The following CD2AP variants were observed in gnomAD, a reference collection of about 807,000 sequenced individuals.
CD2AP encodes CD2 associated protein.
A neutral mutation model predicts 85.1 loss-of-function variants in CD2AP; 46 were observed. That is an observed-to-expected ratio of 0.54 (90% CI 0.43 to 0.69). The LOEUF (loss-of-function observed/expected upper bound fraction) is 0.69, where lower values mean the gene tolerates loss of function less well. Ranked by LOEUF, CD2AP falls within the 30% of genes least tolerant of loss-of-function variation. The pLI, the probability that CD2AP is intolerant of heterozygous loss-of-function variation, is 0.00. For missense variants in CD2AP, 769 were observed against 729.5 expected (o/e 1.05, Z -0.62); for synonymous variants, 255 against 252.9 (o/e 1.01, Z -0.08).
chr6:47,568,828 C>G (rs924542994), intron 5 of CD2AP, among the ~76,000 whole-genome samples: 1 of 151,888 alleles, frequency 6.6e-6, no homozygotes, highest in African/African-American at 2.4e-5. Flanking sequence ...AACTAAAGAC[C>G]CTGGGATGGA....
chr6:47,593,123 G>A (rs545734791), intron 11 of CD2AP, among the ~76,000 whole-genome samples: 41 of 152,222 alleles, frequency 2.7e-4, no homozygotes, highest in African/African-American at 9.9e-4. Flanking sequence ...CCAGATAATT[G>A]GTTGTTGTGG....
At chr6:47,596,474 G>A (rs1768951688) in intron 12 of CD2AP, among the ~76,000 whole-genome samples, 1 of 152,044 alleles carries the variant, frequency 6.6e-6, no homozygotes, top group Non-Finnish European at 1.5e-5. Flanking sequence ...ATTTCTATGG[G>A]ATCAACTTTT....
intron 5 of CD2AP, among the ~76,000 whole-genome samples, chr6:47,566,624 C>T (rs1768011038): frequency 6.6e-6 from 1 of 152,070 alleles, no homozygotes; most frequent in Admixed American, 6.6e-5. Context: ...CCCCGCTCCT[C>T]ACCCCTCAAC....
chr6:47,533,906 A>G (rs1766959292), intron 3 of CD2AP, 151 bp downstream of exon 3: 1 of 700,238 alleles, frequency 1.4e-6, no homozygotes. Context: ...TGCCCTGTGT[A>G]GTCAATCTTA....
intron 15 of CD2AP, 52 bp downstream of exon 15, chr6:47,608,080 A>G: frequency 8.3e-7 from 1 of 1,201,540 alleles, no homozygotes. Context: ...TTCTTTGTGG[A>G]CATCAAACAT....
intron 2 of CD2AP, among the ~76,000 whole-genome samples, chr6:47,520,741 T>G (rs1240817835): frequency 2.7e-5 from 4 of 148,958 alleles, no homozygotes; most frequent in Non-Finnish European, 6.0e-5. Flanking sequence ...TTTTTTTTTT[T>G]TTTTTTTTTT....
chr6:47,478,509 A>AG (rs1765364090), intron 1 of CD2AP, among the ~76,000 whole-genome samples: 3 of 135,818 alleles, frequency 2.2e-5, no homozygotes, highest in African/African-American at 2.6e-5. Flanking sequence ...AAGGTGCGGG[A>AG]TGGGGGGCGG....
rs577283200 is a variant in CD2AP at position 47,562,157 on chromosome 6, C to CT, written c.541+7396dup. 3.8e-4 allele frequency among the ~76,000 whole-genome samples: 58 copies of CT among 152,260 alleles called. No individual in the cohort carries two copies. In the South Asian group the frequency reaches 0.011, roughly 30 times the overall value. ...ACAATTGTGTTGCCTTGTTCGTTTGCTTTTTAGTATAAAAGCCATCTAATA... is the reference window on the plus strand; with the variant it reads ...ACAATTGTGTTGCCTTGTTCGTTTGCTTTTTTAGTATAAAAGCCATCTAATA... On this transcript the variant is annotated intron_variant, in intron 5 of 17. Transcript: ENST00000359314.
chr6:47,551,884 C>G (rs780373548), intron 4 of CD2AP, among the ~76,000 whole-genome samples: 8 of 152,208 alleles, frequency 5.3e-5, no homozygotes, highest in Non-Finnish European at 1.2e-4. Context: ...GTGTAGGCAT[C>G]TCAAGGTCGT....
chr6:47,610,458 A>G (rs1488985511), intron 16 of CD2AP, among the ~76,000 whole-genome samples: 1 of 152,166 alleles, frequency 6.6e-6, no homozygotes, highest in African/African-American at 2.4e-5. Flanking sequence ...AATAAAACAT[A>G]AATGTTATGG....
intron 8 of CD2AP, among the ~76,000 whole-genome samples, chr6:47,578,783 A>T (rs1768380125): frequency 6.6e-6 from 1 of 151,378 alleles, no homozygotes; most frequent in South Asian, 2.1e-4. Flanking sequence ...CAGCCTCCTG[A>T]GTAGCTGGGA....
intron 2 of CD2AP, among the ~76,000 whole-genome samples, chr6:47,509,129 C>T (rs1248428506): frequency 1.3e-5 from 2 of 152,164 alleles, no homozygotes; most frequent in African/African-American, 4.8e-5. Context: ...CATTGTGTCT[C>T]AGGGAATAGG....
At chr6:47,538,550 A>G (rs998872393) in intron 3 of CD2AP, among the ~76,000 whole-genome samples, 7 of 152,202 alleles carry the variant, frequency 4.6e-5, no homozygotes, top group Non-Finnish European at 1.0e-4. Context: ...CTGGTGGAGA[A>G]AGAACTTTAT....
intron 2 of CD2AP, among the ~76,000 whole-genome samples, chr6:47,507,813 A>G (rs1454546915): frequency 6.6e-6 from 1 of 152,198 alleles, no homozygotes; most frequent in Non-Finnish European, 1.5e-5. Context: ...TGCAAAATGG[A>G]TATTATGTTA....
At chr6:47,537,626 A>G (rs183294840) in intron 3 of CD2AP, among the ~76,000 whole-genome samples, 46 of 152,212 alleles carry the variant, frequency 3.0e-4, no homozygotes, top group Admixed American at 2.6e-3. Context: ...GACATAATAC[A>G]TTACCTCTGA....
In CD2AP at chr6:47,503,323, T is replaced by A; in HGVS notation, c.48T>A (p.Asp16Glu). The A allele has an allele frequency of 1.2e-6, 2 of 1,613,854 alleles. No homozygotes were observed. The highest frequency in any genetic ancestry group is 1.7e-6 in the Non-Finnish European group (2 of 1,179,864). Residue 16 changes from aspartate (D) to glutamate (E), a missense_variant, in exon 2 of 18, where the codon GAT (aspartate) becomes GAA (glutamate). Coordinates refer to ENST00000359314, the MANE Select transcript of CD2AP (RefSeq NM_012120.3). Reference sequence around the variant, plus strand: ...ATGACTATGATGCTGTACATGATGATGAATTAACTATTCGAGTTGGAGAAA... The same window carrying A: ...ATGACTATGATGCTGTACATGATGAAGAATTAACTATTCGAGTTGGAGAAA... ...VEYDYDAVHD[D>E]ELTIRVGEII...
rs1767630062 is a variant in CD2AP, at chr6:47,554,683, A to C, written c.458A>C (p.Lys153Thr). Reference protein sequence around the residue: ...EGWWSGTLNNKLGLFPSNFVK... With the variant: ...EGWWSGTLNNTLGLFPSNFVK... ...TGGTGGAGTGGAACCCTGAATAACA[A>C]GTTGGGACTGTTTCCCTCAAATTTT... Residue 153 changes from lysine to threonine, a missense_variant, in exon 5 of 18, where the codon AAG (lysine) becomes ACG (threonine). Physicochemically the swap from Lys to Thr is moderately conservative, Grantham distance 78. Coordinates refer to ENST00000359314, the MANE Select transcript of CD2AP (RefSeq NM_012120.3). 1 of 1,613,748 alleles carries C rather than the reference A, an allele frequency of 6.2e-7. No individual in the cohort carries two copies. Among genetic ancestry groups the C allele is most frequent in the Non-Finnish European group, 8.5e-7 (1 of 1,179,752 alleles).
intron 2 of CD2AP, among the ~76,000 whole-genome samples, chr6:47,515,335 A>G (rs1318844870): frequency 6.6e-6 from 1 of 152,180 alleles, no homozygotes. Context: ...TTTCCAGAAG[A>G]TAGAGTTGGG....
At chr6:47,497,662 C>T (rs1254972785) in intron 1 of CD2AP, among the ~76,000 whole-genome samples, 2 of 152,198 alleles carry the variant, frequency 1.3e-5, no homozygotes, top group African/African-American at 4.8e-5. Flanking sequence ...GATCCACCCA[C>T]CTCAACCTCC....
Sources: gnomAD v4.1 joint callset for allele counts (sites outside exome capture counted in the v4.1 genomes callset) on GRCh38, gnomAD v4.1.1 for gene constraint, MANE v1.5 for transcripts, NCBI Gene and HGNC (gene_info 2026-07-23, HGNC 2026-07-21) for gene names.